Variants in HEATR4 observed in about 807,000 individuals in gnomAD.
HEATR4 encodes the protein HEAT repeat-containing protein 4.
Under a neutral mutation model 108.8 loss-of-function variants are expected in HEATR4, and 95 were observed. That is an observed-to-expected ratio of 0.87 (90% CI 0.74 to 1.04). HEATR4 has a LOEUF of 1.04. Ranked by LOEUF, HEATR4 falls within the 50% of genes least tolerant of loss-of-function variation. HEATR4 has a pLI of 0.00. For missense variants in HEATR4, 1,152 were observed against 1,253.8 expected (o/e 0.92, Z 1.23); for synonymous variants, 443 against 459.4 (o/e 0.96, Z 0.46).
the HEATR4 span, among the ~76,000 whole-genome samples, chr14:73,598,813 A>C: frequency 0.021 from 3,157 of 152,020 alleles, 116 homozygotes; most frequent in African/African-American, 0.072. Context: ...GACCAGCCTA[A>C]CCAACATGGT....
At chr14:73,486,646 C>T (rs935935888) in intron 17 of HEATR4, among the ~76,000 whole-genome samples, 2 of 151,496 alleles carry the variant, frequency 1.3e-5, no homozygotes, top group East Asian at 1.9e-4. Context: ...TGCAGTGAGC[C>T]GAGATCGTGC....
chr14:73,586,652 C>T, the HEATR4 span, among the ~76,000 whole-genome samples: 3 of 151,054 alleles, frequency 2.0e-5, no homozygotes, highest in African/African-American at 7.3e-5. Flanking sequence ...GTTGCAGTGA[C>T]CCAAGATGCA....
chr14:73,553,045 A>G (rs1374491200), intron 1 of HEATR4, among the ~76,000 whole-genome samples: 8 of 115,320 alleles, frequency 6.9e-5, no homozygotes, highest in African/African-American at 2.2e-4. Flanking sequence ...CTCATCTGCC[A>G]TAGCCCCTGC....
At chr14:73,631,496 G>A in the HEATR4 span, 2 of 153,662 alleles carry the variant, frequency 1.3e-5, no homozygotes, top group Non-Finnish European at 2.9e-5. Flanking sequence ...CAGGGCTGGG[G>A]TCCTGGGAGT....
chr14:73,521,054 G>A lies in HEATR4; in HGVS notation c.882-15C>T, dbSNP rs748069389. On this transcript the variant is annotated splice_polypyrimidine_tract_variant and intron_variant, in intron 3 of 17. Coordinates refer to ENST00000553558, the MANE Select transcript of HEATR4 (RefSeq NM_001220484.1). ...AACTGGGCAATCTTGGCAGGGGTGA[G>A]AAAGGAGGGAAAAGGGGGAAAGAGT... The A allele has an allele frequency of 3.1e-6, 5 of 1,608,448 alleles. No homozygotes were observed. The South Asian group carries it at 3.3e-5, about 11-fold the overall frequency.
intron 1 of HEATR4, chr14:73,537,408 G>T: frequency 8.1e-7 from 1 of 1,234,456 alleles, no homozygotes; most frequent in Non-Finnish European, 1.1e-6. Context: ...CGGATTATTT[G>T]GGTTCCTGCT....
chr14:73,489,722 A>G (rs961187584), intron 17 of HEATR4, among the ~76,000 whole-genome samples: 26 of 152,342 alleles, frequency 1.7e-4, no homozygotes, highest in African/African-American at 6.0e-4. Context: ...TCCTGAGTTT[A>G]AGAGCCAAAG....
the HEATR4 span, among the ~76,000 whole-genome samples, chr14:73,615,436 A>C: frequency 6.9e-6 from 1 of 145,478 alleles, no homozygotes; most frequent in Admixed American, 6.9e-5. Context: ...AGCAACAACG[A>C]AAAAAAAAAC....
At chr14:73,569,869 T>A in the HEATR4 span, 1 of 1,604,802 alleles carries the variant, frequency 6.2e-7, no homozygotes, top group South Asian at 1.1e-5. Context: ...CGAGGCACGC[T>A]CTTCCTGCCG....
chr14:73,495,046 C>A (rs557483175), intron 16 of HEATR4, among the ~76,000 whole-genome samples, 182 bp downstream of exon 16: 3 of 123,216 alleles, frequency 2.4e-5, no homozygotes, highest in Admixed American at 8.9e-5. Flanking sequence ...AATAAAAACC[C>A]GAGAAACAAA....
chr14:73,520,042 C>T (rs551135142), intron 4 of HEATR4: 2 of 152,242 alleles, frequency 1.3e-5, no homozygotes, highest in South Asian at 4.2e-4. Flanking sequence ...GAGGCCTTAT[C>T]CCTTATAAAA....
At chr14:73,478,990 G>C (rs1885130695) in intron 17 of HEATR4, 148 bp from the exon 18 acceptor site, 1 of 544,992 alleles carries the variant, frequency 1.8e-6, no homozygotes, top group African/African-American at 1.9e-5. Flanking sequence ...CCAGGCTGGA[G>C]TTCAGTGGCG....
chr14:73,495,132 T>A, intron 16 of HEATR4, 96 bp downstream of exon 16: 1 of 1,041,678 alleles, frequency 9.6e-7, no homozygotes, highest in Non-Finnish European at 1.4e-6. Context: ...GACTCTTTCA[T>A]CCTCTAAGGC....
At chr14:73,512,374 G>A (rs535687574) in intron 6 of HEATR4, among the ~76,000 whole-genome samples, 15 of 152,256 alleles carry the variant, frequency 9.9e-5, no homozygotes, top group African/African-American at 2.4e-4. Flanking sequence ...CAACCCCATC[G>A]TATCTATCTC....
chr14:73,479,720 G>A (rs891738042), intron 17 of HEATR4, among the ~76,000 whole-genome samples: 4 of 151,896 alleles, frequency 2.6e-5, no homozygotes, highest in African/African-American at 9.7e-5. Context: ...ATGAGCCTCC[G>A]CTCCCGGCCA....
chr14:73,492,800 A>C lies in HEATR4; in HGVS notation c.2844+266T>G, dbSNP rs768345086. ...AATATACCCCCAGCAAGCTGATGCC[A>C]TGGAACTGTTGCTTGGTTCTTATCC... is the stretch of plus-strand genomic sequence containing the variant. On this transcript the variant is annotated intron_variant, in intron 17 of 17. Coordinates refer to ENST00000553558, the MANE Select transcript of HEATR4 (RefSeq NM_001220484.1). This position sits in a 1 kb window ranked among gnomAD's most constrained non-coding sequence, Gnocchi z 4.9. 6.2e-7 allele frequency: 1 copy of C among 1,613,970 alleles called. No individual in the cohort carries two copies. Among genetic ancestry groups the C allele is most frequent in the Non-Finnish European group, 8.5e-7 (1 of 1,179,888 alleles).
At chr14:73,501,358 C>T (rs532197971) in intron 11 of HEATR4, among the ~76,000 whole-genome samples, 139 of 152,068 alleles carry the variant, frequency 9.1e-4, no homozygotes, top group Non-Finnish European at 1.5e-3. Context: ...ATCTCCTGAC[C>T]TCGTGATCTG....
the HEATR4 span, among the ~76,000 whole-genome samples, chr14:73,609,913 A>C: frequency 2.6e-5 from 4 of 151,906 alleles, no homozygotes; most frequent in African/African-American, 9.7e-5. Flanking sequence ...TGCTGAGATT[A>C]CAGGCATGAG....
Position 73,492,838 on chromosome 14 carries a change from AGTGGGGGACCTGCCCTGTGACAGT to A in HEATR4, c.2844+204_2844+227del, listed in dbSNP as rs771987519. ...TTGGTTCTTATCCAGAGTTTGTGAG[AGTGGGGGACCTGCCCTGTGACAGT>A]GTGGAGGACCAGCTGTCCTTGGCAA... On this transcript the variant is annotated intron_variant, in intron 17 of 17. Coordinates refer to ENST00000553558, the MANE Select transcript of HEATR4 (RefSeq NM_001220484.1). This position sits in a 1 kb window ranked among gnomAD's most constrained non-coding sequence, Gnocchi z 4.9. The A allele has an allele frequency of 5.0e-6, 8 of 1,613,888 alleles. No homozygotes were observed. Among genetic ancestry groups the A allele is most frequent in the Non-Finnish European group, 6.8e-6 (8 of 1,179,878 alleles).
Sources: allele counts gnomAD v4.1 joint callset (sites outside exome capture counted in the v4.1 genomes callset), GRCh38; gene constraint gnomAD v4.1.1; non-coding constraint Gnocchi (gnomAD v3.1); transcripts MANE v1.5; gene names NCBI Gene and HGNC (gene_info 2026-07-23, HGNC 2026-07-21).